RASEF: variants seen among roughly 807,000 people sequenced by gnomAD.
RASEF encodes RAS and EF-hand domain containing, also known as ras and EF-hand domain-containing protein.
A neutral mutation model predicts 90.1 loss-of-function variants in RASEF; 68 were observed. That is an observed-to-expected ratio of 0.75 (90% CI 0.62 to 0.92). The LOEUF is 0.92. Ranked by LOEUF, RASEF falls within the 40% of genes least tolerant of loss-of-function variation. The probability of loss-of-function intolerance (pLI) is 0.00; values close to 1 mark genes in which losing one functional copy is unlikely to be tolerated. For synonymous variants in RASEF, 331 were observed against 345.2 expected (o/e 0.96, Z 0.46); for missense variants, 949 against 937.2 (o/e 1.01, Z -0.16).
At chr9:83,096,278 T>C in the RASEF span, among the ~76,000 whole-genome samples, 1 of 152,166 alleles carries the variant, frequency 6.6e-6, no homozygotes, top group Admixed American at 6.5e-5. Flanking sequence ...GCTCTAAATA[T>C]CTAGAGAAGT....
the RASEF span, among the ~76,000 whole-genome samples, chr9:83,106,616 C>T: frequency 1.3e-5 from 2 of 152,170 alleles, no homozygotes; most frequent in East Asian, 1.9e-4. Context: ...ATGACCTGAT[C>T]TTCTCCTTTG....
the RASEF span, among the ~76,000 whole-genome samples, chr9:83,129,076 CAT>C: frequency 1.3e-5 from 2 of 152,270 alleles, no homozygotes; most frequent in Admixed American, 1.3e-4. Context: ...TATCTTCTGA[CAT>C]AAACTATATA....
At chr9:82,990,132 A>G (rs978155606) in intron 16 of RASEF, among the ~76,000 whole-genome samples, 3 of 152,200 alleles carry the variant, frequency 2.0e-5, no homozygotes, top group African/African-American at 4.8e-5. Flanking sequence ...CACGTCAACT[A>G]TTAGCTTTGT....
At chr9:83,180,020 C>T in the RASEF span, among the ~76,000 whole-genome samples, 1 of 146,886 alleles carries the variant, frequency 6.8e-6, no homozygotes, top group East Asian at 2.0e-4. Flanking sequence ...AACAGAACTG[C>T]ACATACACCC....
chr9:83,032,018 C>T (rs1217985682), intron 1 of RASEF, among the ~76,000 whole-genome samples: 1 of 152,128 alleles, frequency 6.6e-6, no homozygotes, highest in Non-Finnish European at 1.5e-5. Flanking sequence ...AATACTTCAT[C>T]ATAGCAAAAG....
At chr9:83,147,070 A>T in the RASEF span, among the ~76,000 whole-genome samples, 15 of 149,884 alleles carry the variant, frequency 1.0e-4, no homozygotes, top group African/African-American at 3.7e-4. Flanking sequence ...AAATATGTAC[A>T]TCTCATAATA....
At chr9:83,100,074 A>G in the RASEF span, among the ~76,000 whole-genome samples, 2 of 152,224 alleles carry the variant, frequency 1.3e-5, no homozygotes, top group Admixed American at 6.5e-5. Flanking sequence ...AGATTAAGCT[A>G]CTGTTGCTGT....
At chr9:83,055,789 C>T in intron 1 of RASEF, 2 of 633,164 alleles carry the variant, frequency 3.2e-6, no homozygotes, top group Admixed American at 4.7e-5. Flanking sequence ...TATTTGGTCT[C>T]CTAAAACTCC....
At chr9:82,996,578 C>A (rs1202106859) in intron 14 of RASEF, among the ~76,000 whole-genome samples, 1 of 152,138 alleles carries the variant, frequency 6.6e-6, no homozygotes, top group African/African-American at 2.4e-5. Context: ...AGCTCCCATA[C>A]AATTTGAAAC....
At chr9:83,171,740 A>G in the RASEF span, among the ~76,000 whole-genome samples, 1 of 151,836 alleles carries the variant, frequency 6.6e-6, no homozygotes, top group Admixed American at 6.6e-5. Context: ...ATCTCTAATG[A>G]TACTTTGAAT....
intron 1 of RASEF, among the ~76,000 whole-genome samples, chr9:83,026,624 T>G (rs73469445): frequency 0.023 from 3,443 of 152,196 alleles, 129 homozygotes; most frequent in African/African-American, 0.078. Flanking sequence ...CCTAGACACA[T>G]GGGGATTATG....
intron 3 of RASEF, among the ~76,000 whole-genome samples, chr9:83,017,812 C>G (rs950863552): frequency 2.6e-5 from 4 of 152,136 alleles, no homozygotes; most frequent in African/African-American, 9.7e-5. Flanking sequence ...ATTTAGCAAA[C>G]TGAATTCAAC....
chr9:83,076,871 T>C, the RASEF span, among the ~76,000 whole-genome samples: 1 of 152,190 alleles, frequency 6.6e-6, no homozygotes, highest in East Asian at 1.9e-4. Context: ...TGATTTTTTT[T>C]CCCATTAGCT....
chr9:83,006,428 T>C (rs1829132853), intron 7 of RASEF, among the ~76,000 whole-genome samples: 1 of 150,810 alleles, frequency 6.6e-6, no homozygotes, highest in Non-Finnish European at 1.5e-5. Flanking sequence ...AATGAATAAA[T>C]AAAATAACTT....
At chr9:83,075,794 T>G in the RASEF span, among the ~76,000 whole-genome samples, 2 of 151,754 alleles carry the variant, frequency 1.3e-5, no homozygotes, top group African/African-American at 4.8e-5. Flanking sequence ...TTCATCTATA[T>G]TTAGAAAAAA....
the RASEF span, among the ~76,000 whole-genome samples, chr9:83,134,502 G>A: frequency 2.0e-5 from 3 of 149,852 alleles, no homozygotes; most frequent in South Asian, 6.4e-4. Flanking sequence ...ATACAAAGTT[G>A]GTACCAAATG....
the RASEF span, among the ~76,000 whole-genome samples, chr9:83,144,260 T>C: frequency 1.4e-5 from 2 of 146,998 alleles, no homozygotes; most frequent in Non-Finnish European, 3.0e-5. Context: ...AATATACCCA[T>C]GTAACAAATC....
the RASEF span, among the ~76,000 whole-genome samples, chr9:83,121,191 A>G: frequency 0.46 from 69,160 of 151,934 alleles, 16,120 homozygotes; most frequent in East Asian, 0.71. Flanking sequence ...TTTTTTCTGA[A>G]GAAAAAAATG....
At chr9:83,162,043 C>T in the RASEF span, among the ~76,000 whole-genome samples, 2 of 152,020 alleles carry the variant, frequency 1.3e-5, no homozygotes, top group South Asian at 4.2e-4. Context: ...TGGACTAATA[C>T]AGGCACAAAA....
Sources: gnomAD v4.1 joint callset for allele counts (sites outside exome capture counted in the v4.1 genomes callset) on GRCh38, gnomAD v4.1.1 for gene constraint, MANE v1.5 for transcripts, NCBI Gene and HGNC (gene_info 2026-07-23, HGNC 2026-07-21) for gene names.